TRDN: variants seen among roughly 807,000 people sequenced by gnomAD.
The protein encoded by TRDN is triadin in skeletal muscle.
A neutral mutation model predicts 149.7 loss-of-function variants in TRDN; 161 were observed. The ratio of observed to expected loss-of-function variants is 1.08; its 90% CI spans 0.95 to 1.23. The LOEUF (loss-of-function observed/expected upper bound fraction) is 1.23. Among genes scored for constraint, TRDN ranks in the 50% most tolerant of loss-of-function variants. The pLI is 0.00. For synonymous variants in TRDN, 294 were observed against 250.5 expected, an observed-to-expected ratio of 1.17 and a Z score of -1.64; for missense variants, 896 against 823.5, an observed-to-expected ratio of 1.09 and a Z score of -1.08.
At chr6:123,254,668 T>C (rs1776492571) in intron 37 of TRDN, among the ~76,000 whole-genome samples, 1 of 152,006 alleles carries the variant, frequency 6.6e-6, no homozygotes, top group Non-Finnish European at 1.5e-5. Flanking sequence ...CTAGGTTGAA[T>C]TAATTTAAAG....
At chr6:123,501,912 T>G (rs1778717177) in intron 8 of TRDN, 5 of 983,648 alleles carry the variant, frequency 5.1e-6, no homozygotes. Flanking sequence ...ATAAACATTA[T>G]TTTAAAGTGT....
chr6:123,552,206 T>C (rs552399882), intron 2 of TRDN, among the ~76,000 whole-genome samples: 2 of 152,214 alleles, frequency 1.3e-5, no homozygotes, highest in Admixed American at 1.3e-4. Context: ...AAAACTGCTT[T>C]AGGTTACTTG....
intron 1 of TRDN, among the ~76,000 whole-genome samples, chr6:123,576,039 C>G (rs1427588579): frequency 6.6e-6 from 1 of 152,128 alleles, no homozygotes; most frequent in Non-Finnish European, 1.5e-5. Flanking sequence ...TACACTGTAT[C>G]TCTCTTTCAA....
intron 23 of TRDN, among the ~76,000 whole-genome samples, chr6:123,326,804 T>C (rs1436252135): frequency 6.6e-6 from 1 of 152,082 alleles, no homozygotes; most frequent in Non-Finnish European, 1.5e-5. Flanking sequence ...TTAAAATAAA[T>C]AGAAACTGGC....
chr6:123,461,147 G>A (rs918672953), intron 10 of TRDN, among the ~76,000 whole-genome samples: 1 of 152,044 alleles, frequency 6.6e-6, no homozygotes, highest in Non-Finnish European at 1.5e-5. Context: ...AGCATAGAGG[G>A]ACTTTAGAGA....
Position 123,216,668 on chromosome 6 carries a change from T to C in TRDN, c.*1933A>G, listed in dbSNP as rs1445259007. 1 of 151,946 alleles carries C rather than the reference T, an allele frequency of 6.6e-6. No individual in the cohort carries two copies. The highest frequency in any genetic ancestry group is 1.5e-5 in the Non-Finnish European group (1 of 67,938). The allele number at this position is 151,946 out of a possible 1,614,324, so 9.4% of individuals were successfully genotyped here. Reference sequence around the variant, plus strand: ...TTTATTTGTCTCCATGGTATTTCTATGAGATATTAGACTGTTTGTCCCTAT... The same window carrying C: ...TTTATTTGTCTCCATGGTATTTCTACGAGATATTAGACTGTTTGTCCCTAT... On this transcript the variant is annotated 3_prime_UTR_variant, in exon 41 of 41. Transcript: ENST00000334268.
intron 38 of TRDN, among the ~76,000 whole-genome samples, chr6:123,249,841 G>A (rs952682931): frequency 2.6e-5 from 4 of 151,920 alleles, no homozygotes; most frequent in African/African-American, 7.2e-5. Context: ...TAAATAGAAT[G>A]TCCCAGCCAG....
At chr6:123,293,890 A>C (rs914453816) in intron 24 of TRDN, among the ~76,000 whole-genome samples, 1 of 151,978 alleles carries the variant, frequency 6.6e-6, no homozygotes. Context: ...AAGACCCACG[A>C]ATACCAGAAG....
At chr6:123,613,171 C>T (rs904311740) in intron 1 of TRDN, among the ~76,000 whole-genome samples, 1 of 152,154 alleles carries the variant, frequency 6.6e-6, no homozygotes, top group Non-Finnish European at 1.5e-5. Flanking sequence ...AAATCTGAGG[C>T]TCATATTGTG....
In TRDN at chr6:123,516,216, A is replaced by G; in HGVS notation, c.485-10T>C. 6.8e-7 allele frequency: 1 copy of G among 1,477,496 alleles called. No individual in the cohort carries two copies. Among genetic ancestry groups the G allele is most frequent in the Non-Finnish European group, 9.1e-7 (1 of 1,103,946 alleles). 91.5% of individuals were successfully genotyped at this position (1,477,496 alleles called of 1,614,324 possible). On this transcript the variant is annotated splice_polypyrimidine_tract_variant and intron_variant, in intron 5 of 40. Transcript: ENST00000334268. The stretch of plus-strand genomic sequence containing the variant: ...TTTTCTTTGTGTGTAACTGAAAAGA[A>G]ACAGATAAATAGTTTTCATTTAAAT...
rs982821018 is a variant in TRDN at position 123,351,250 on chromosome 6, G to A, written c.1369+1289C>T. ...GTATCTGTTACATGCTTATCTAGAA[G>A]TTTACACATTTTCATATCCTTTCAC... is the stretch of plus-strand genomic sequence containing the variant. On this transcript the variant is annotated intron_variant, in intron 21 of 40. Coordinates refer to ENST00000334268, the MANE Select transcript of TRDN (RefSeq NM_006073.4). 2.8e-5 allele frequency: 27 copies of A among 974,452 alleles called. 1 individual carries two copies. In the Admixed American group the frequency reaches 1.1e-3, roughly 40 times the overall value. 60.4% of individuals were successfully genotyped at this position (974,452 alleles called of 1,614,324 possible).
At chr6:123,393,763 A>G (rs551311518) in intron 12 of TRDN, 86 bp from the exon 13 acceptor site, 1 of 1,265,926 alleles carries the variant, frequency 7.9e-7, no homozygotes, top group Non-Finnish European at 1.1e-6. Flanking sequence ...GCACAAACAC[A>G]AACGAGCATA....
chr6:123,580,311 C>G (rs1394407119), intron 1 of TRDN, among the ~76,000 whole-genome samples: 1 of 151,956 alleles, frequency 6.6e-6, no homozygotes, highest in Non-Finnish European at 1.5e-5. Context: ...ATGATGAGAG[C>G]ATAACTATGT....
At chr6:123,469,358 A>G (rs1311853586) in intron 9 of TRDN, among the ~76,000 whole-genome samples, 5 of 152,168 alleles carry the variant, frequency 3.3e-5, no homozygotes, top group Non-Finnish European at 5.9e-5. Context: ...AGGGATGGAA[A>G]GAGGAGACCC....
chr6:123,230,920 C>T (rs549862876), intron 38 of TRDN, among the ~76,000 whole-genome samples: 1 of 151,890 alleles, frequency 6.6e-6, no homozygotes, highest in Non-Finnish European at 1.5e-5. Context: ...GCCAGGTATG[C>T]TACTAGGTAC....
At chr6:123,250,934 T>A (rs1443872754) in intron 38 of TRDN, among the ~76,000 whole-genome samples, 1 of 152,138 alleles carries the variant, frequency 6.6e-6, no homozygotes, top group Non-Finnish European at 1.5e-5. Context: ...CTTCAACCAA[T>A]ACTTCTGATG....
At chr6:123,498,099 T>C (rs1269803857) in intron 8 of TRDN, 1 of 157,214 alleles carries the variant, frequency 6.4e-6, no homozygotes, top group Middle Eastern at 3.1e-3. Context: ...CTTTACCGTA[T>C]CTGCTTTAAA....
At chr6:123,373,082 G>A (rs888454814) in intron 19 of TRDN, among the ~76,000 whole-genome samples, 1 of 152,020 alleles carries the variant, frequency 6.6e-6, no homozygotes, top group Non-Finnish European at 1.5e-5. Context: ...AATCTGAAAG[G>A]TTTTCATTTT....
Position 123,464,258 on chromosome 6 carries a change from T to A in TRDN, c.931+648A>T, listed in dbSNP as rs540240009. The stretch of plus-strand genomic sequence containing the variant: ...AGACTTAAAGAAATGACTTTAACGT[T>A]CCAGCAAAATTTATTACAAAGCTGA... On this transcript the variant is annotated intron_variant, in intron 10 of 40. Transcript: ENST00000334268. The A allele has an allele frequency of 2.1e-4, 207 of 984,602 alleles. No homozygotes were observed. The African/African-American group carries it at 3.4e-3, about 16-fold the overall frequency. The allele number at this position is 984,602 out of a possible 1,614,324, so 61.0% of individuals were successfully genotyped here. A position where few individuals can be genotyped will look rare whatever the true frequency, so the allele number is the denominator to read the frequency against.
Sources: gnomAD v4.1 joint callset for allele counts (sites outside exome capture counted in the v4.1 genomes callset) on GRCh38, gnomAD v4.1.1 for gene constraint, MANE v1.5 for transcripts, NCBI Gene and HGNC (gene_info 2026-07-23, HGNC 2026-07-21) for gene names.